The following ADAMTSL3 variants were observed in gnomAD, a reference collection of about 807,000 sequenced individuals.
The protein encoded by ADAMTSL3 is ADAMTS like 3.
A neutral mutation model predicts 201.7 loss-of-function variants in ADAMTSL3; 128 were observed. The observed-to-expected ratio is 0.63, with a 90% CI of 0.55 to 0.73. The LOEUF (loss-of-function observed/expected upper bound fraction) is 0.73. Among genes scored for constraint, ADAMTSL3 ranks in the 30% least tolerant of loss-of-function variants. The probability of loss-of-function intolerance (pLI) is 0.00; values close to 1 mark genes in which losing one functional copy is unlikely to be tolerated. For missense variants in ADAMTSL3, 1,990 were observed against 2,119.6 expected, an observed-to-expected ratio of 0.94 and a Z score of 1.20; for synonymous variants, 738 against 748.4, an observed-to-expected ratio of 0.99 and a Z score of 0.23.
intron 20 of ADAMTSL3, among the ~76,000 whole-genome samples, chr15:83,981,121 C>T (rs1180610390): frequency 6.6e-6 from 1 of 152,212 alleles, no homozygotes; most frequent in Admixed American, 6.5e-5. Flanking sequence ...CCACAATCTG[C>T]TCAGGAACCT....
Position 83,889,776 on chromosome 15 carries a change from C to T in ADAMTSL3, c.1073-333C>T, listed in dbSNP as rs1348610397. ...AGGAGACTATTGTCATTTTTTAGTTCGAAGTGCTGAGAGTACCACAGTTGG... is the reference window on the plus strand; with the variant it reads ...AGGAGACTATTGTCATTTTTTAGTTTGAAGTGCTGAGAGTACCACAGTTGG... On this transcript the variant is annotated intron_variant, in intron 10 of 29. Transcript: ENST00000286744. Among the ~76,000 whole-genome samples the T allele has an allele frequency of 2.6e-5, 4 of 152,068 alleles. 1 individual carries two copies. Among genetic ancestry groups the T allele is most frequent in the Non-Finnish European group, 5.9e-5 (4 of 68,010 alleles).
At chr15:83,841,539 T>A (rs1005229717) in intron 7 of ADAMTSL3, among the ~76,000 whole-genome samples, 9 of 152,176 alleles carry the variant, frequency 5.9e-5, no homozygotes, top group African/African-American at 2.2e-4. Flanking sequence ...ATTTAAAAGA[T>A]CAATCCATGT....
chr15:83,697,590 A>G (rs1049689452), intron 2 of ADAMTSL3, among the ~76,000 whole-genome samples: 9 of 152,226 alleles, frequency 5.9e-5, no homozygotes, highest in Non-Finnish European at 1.3e-4. Flanking sequence ...CTTCTAGCTT[A>G]TAAAGGGATA....
chr15:83,774,354 G>A (rs2063036563), intron 4 of ADAMTSL3, among the ~76,000 whole-genome samples: 2 of 152,226 alleles, frequency 1.3e-5, no homozygotes, highest in South Asian at 2.1e-4. Context: ...GGCCTTTGCC[G>A]ATTAGCTTCA....
At chr15:83,837,353 G>A (rs923305880) in intron 6 of ADAMTSL3, among the ~76,000 whole-genome samples, 1 of 151,876 alleles carries the variant, frequency 6.6e-6, no homozygotes, top group African/African-American at 2.4e-5. Flanking sequence ...GATATTTAAA[G>A]TAAAACTATG....
chr15:83,759,293 T>C (rs900963653), intron 3 of ADAMTSL3, among the ~76,000 whole-genome samples: 2 of 151,790 alleles, frequency 1.3e-5, no homozygotes, highest in Non-Finnish European at 2.9e-5. Context: ...TGACTCGACC[T>C]CCGCTCACTG....
intron 2 of ADAMTSL3, among the ~76,000 whole-genome samples, chr15:83,688,746 G>A (rs1454723815): frequency 6.7e-5 from 4 of 59,334 alleles, no homozygotes; most frequent in Admixed American, 1.9e-4. Flanking sequence ...GTATACACAT[G>A]CATATATATA....
chr15:83,931,633 G>A (rs2066358240), intron 17 of ADAMTSL3, among the ~76,000 whole-genome samples: 1 of 152,140 alleles, frequency 6.6e-6, no homozygotes, highest in Admixed American at 6.5e-5. Flanking sequence ...AATTAAGATG[G>A]TGTTGTAACA....
intron 4 of ADAMTSL3, among the ~76,000 whole-genome samples, chr15:83,782,286 G>A (rs552115372): frequency 3.3e-5 from 5 of 152,002 alleles, no homozygotes; most frequent in Non-Finnish European, 2.9e-5. Context: ...AGACCAGCCC[G>A]GCAAACATGG....
intron 7 of ADAMTSL3, among the ~76,000 whole-genome samples, chr15:83,838,581 CAGTT>C (rs1405612373): frequency 1.3e-5 from 2 of 152,182 alleles, no homozygotes; most frequent in Non-Finnish European, 2.9e-5. Flanking sequence ...TTTAATTTCT[CAGTT>C]AGCTACTGAA....
intron 3 of ADAMTSL3, among the ~76,000 whole-genome samples, chr15:83,749,120 G>A (rs886521279): frequency 6.6e-6 from 1 of 152,210 alleles, no homozygotes; most frequent in Non-Finnish European, 1.5e-5. Flanking sequence ...AAGTTGGACT[G>A]AGCTGTCCTA....
intron 16 of ADAMTSL3, among the ~76,000 whole-genome samples, chr15:83,913,853 GT>G (rs1302412807): frequency 6.6e-6 from 1 of 152,180 alleles, no homozygotes; most frequent in Non-Finnish European, 1.5e-5. Flanking sequence ...TACATAGAGG[GT>G]GACATACACA....
At chr15:83,732,302 G>A (rs1349225952) in intron 3 of ADAMTSL3, among the ~76,000 whole-genome samples, 2 of 151,862 alleles carry the variant, frequency 1.3e-5, no homozygotes, top group Non-Finnish European at 2.9e-5. Context: ...CATTTAAAAA[G>A]TTAAGCTAAA....
chr15:83,756,147 G>A (rs892821279), intron 3 of ADAMTSL3, among the ~76,000 whole-genome samples: 5 of 152,162 alleles, frequency 3.3e-5, no homozygotes, highest in Non-Finnish European at 5.9e-5. Flanking sequence ...AGGAACTACC[G>A]TAATGTTTTC....
chr15:83,969,981 G>C (rs1567271846), intron 19 of ADAMTSL3, among the ~76,000 whole-genome samples: 1 of 152,190 alleles, frequency 6.6e-6, no homozygotes, highest in Non-Finnish European at 1.5e-5. Context: ...TCCGATTGTG[G>C]TAATGGTGTC....
rs959983372 is a variant in ADAMTSL3, at chr15:84,031,662, C to T, written c.4754+230C>T. Among the ~76,000 whole-genome samples, 13 of 152,066 alleles carry T rather than the reference C, an allele frequency of 8.5e-5. 1 individual carries two copies. Among genetic ancestry groups the T allele is most frequent in the Admixed American group, 5.2e-4 (8 of 15,274 alleles). ...GTTTGGATGTTAAACAATAAAGGGACACCACTCTATGTGGTAAAAGGGGAA... is the reference window on the plus strand; with the variant it reads ...GTTTGGATGTTAAACAATAAAGGGATACCACTCTATGTGGTAAAAGGGGAA... On this transcript the variant is annotated intron_variant, in intron 28 of 29. Coordinates refer to ENST00000286744, the MANE Select transcript of ADAMTSL3 (RefSeq NM_207517.3).
intron 27 of ADAMTSL3, chr15:84,025,663 T>C (rs954710778): frequency 2.0e-5 from 9 of 447,076 alleles, no homozygotes; most frequent in African/African-American, 1.6e-4. Flanking sequence ...AATGCAGTGA[T>C]GCCATAACAG....
Position 83,826,413 on chromosome 15 carries a change from G to A in ADAMTSL3, c.600+6366G>A, listed in dbSNP as rs573508291. On this transcript the variant is annotated intron_variant, in intron 6 of 29. Transcript: ENST00000286744. ...ACTGGGGTTATAGACATGAGCCACTGAGCCTGGCCCTGGAAGCAGATCTTT... is the reference window on the plus strand; with the variant it reads ...ACTGGGGTTATAGACATGAGCCACTAAGCCTGGCCCTGGAAGCAGATCTTT... Among the ~76,000 whole-genome samples the A allele has an allele frequency of 2.0e-5, 3 of 150,632 alleles. No individual in the cohort carries two copies. In the South Asian group the frequency reaches 6.4e-4, roughly 32 times the overall value.
At chr15:83,661,742 C>T (rs949956271) in intron 2 of ADAMTSL3, among the ~76,000 whole-genome samples, 3 of 151,332 alleles carry the variant, frequency 2.0e-5, no homozygotes, top group African/African-American at 7.3e-5. Flanking sequence ...AACAAACAAC[C>T]CCATCAAAAA....
Sources: gnomAD v4.1 joint callset for allele counts (sites outside exome capture counted in the v4.1 genomes callset) on GRCh38, gnomAD v4.1.1 for gene constraint, MANE v1.5 for transcripts, NCBI Gene and HGNC (gene_info 2026-07-23, HGNC 2026-07-21) for gene names.